Variants in STT3B observed in about 807,000 individuals in gnomAD.
The protein encoded by STT3B is dolichyl-diphosphooligosaccharide--protein glycosyltransferase subunit STT3B.
Under a neutral mutation model 96.8 loss-of-function variants are expected in STT3B, and 29 were observed. The observed-to-expected ratio is 0.30, with a 90% CI of 0.22 to 0.41. The LOEUF is 0.41. Among genes scored for constraint, STT3B ranks in the 10% least tolerant of loss-of-function variants. The pLI is 1.00. For missense variants in STT3B, 640 were observed against 1,022.3 expected (o/e 0.63, Z 5.10); for synonymous variants, 367 against 360.0 (o/e 1.02, Z -0.22).
chr3:31,632,200 C>T (rs1699677014), intron 14 of STT3B, among the ~76,000 whole-genome samples: 1 of 152,122 alleles, frequency 6.6e-6, no homozygotes, highest in Admixed American at 6.5e-5. Context: ...TATGTTTTCC[C>T]TTTTTATCCC....
chr3:31,542,912 A>C (rs1697314061), intron 1 of STT3B, among the ~76,000 whole-genome samples: 1 of 151,932 alleles, frequency 6.6e-6, no homozygotes, highest in African/African-American at 2.4e-5. Flanking sequence ...ACTAAACTAC[A>C]AAAATTAGCT....
chr3:31,557,945 G>A (rs556476718), intron 1 of STT3B, among the ~76,000 whole-genome samples: 131 of 152,270 alleles, frequency 8.6e-4, no homozygotes, highest in African/African-American at 2.9e-3. Flanking sequence ...ATTGTAAATG[G>A]GATTGCTTTC....
intron 11 of STT3B, among the ~76,000 whole-genome samples, chr3:31,624,299 C>G (rs902893545): frequency 6.6e-6 from 1 of 152,192 alleles, no homozygotes; most frequent in Non-Finnish European, 1.5e-5. Flanking sequence ...CTTTCTTTGT[C>G]CTCTCCTCCA....
At chr3:31,539,812 T>C (rs1697218328) in intron 1 of STT3B, among the ~76,000 whole-genome samples, 1 of 152,092 alleles carries the variant, frequency 6.6e-6, no homozygotes. Flanking sequence ...ATTGTTCTTA[T>C]TTAGATTTAT....
intron 13 of STT3B, among the ~76,000 whole-genome samples, chr3:31,629,074 C>G (rs1699598297): frequency 6.6e-6 from 1 of 152,142 alleles, no homozygotes; most frequent in Non-Finnish European, 1.5e-5. Context: ...CCACTGCACT[C>G]CAGCCTCGAG....
intron 1 of STT3B, among the ~76,000 whole-genome samples, chr3:31,558,975 G>A (rs1469021081): frequency 1.3e-5 from 2 of 150,718 alleles, no homozygotes; most frequent in African/African-American, 4.9e-5. Flanking sequence ...AGTCTCTGAT[G>A]ATCTTTTGTA....
intron 10 of STT3B, among the ~76,000 whole-genome samples, chr3:31,622,694 T>C (rs1445198721): frequency 1.3e-5 from 2 of 152,222 alleles, no homozygotes; most frequent in Admixed American, 1.3e-4. Flanking sequence ...AGGTCCATAC[T>C]CAGTGCATAC....
intron 1 of STT3B, among the ~76,000 whole-genome samples, chr3:31,535,996 T>G (rs1041959737): frequency 2.0e-5 from 3 of 152,202 alleles, no homozygotes; most frequent in African/African-American, 7.2e-5. Flanking sequence ...TTTGTCAGTA[T>G]GAATCTAATA....
At chr3:31,584,124 C>T (rs1698482683) in intron 3 of STT3B, among the ~76,000 whole-genome samples, 1 of 152,166 alleles carries the variant, frequency 6.6e-6, no homozygotes, top group Non-Finnish European at 1.5e-5. Context: ...ATTCCAACTT[C>T]ATTCTTTTGC....
chr3:31,575,519 A>T (rs543142355), intron 1 of STT3B, among the ~76,000 whole-genome samples: 17 of 152,182 alleles, frequency 1.1e-4, no homozygotes, highest in African/African-American at 4.1e-4. Flanking sequence ...TAAAAATGCT[A>T]CAAAGCTTGC....
intron 1 of STT3B, among the ~76,000 whole-genome samples, chr3:31,546,910 T>A (rs1697427317): frequency 6.6e-6 from 1 of 152,180 alleles, no homozygotes; most frequent in African/African-American, 2.4e-5. Context: ...GGAAAGGCCT[T>A]GAAGTCAGCC....
chr3:31,582,185 T>C (rs1041696396), intron 3 of STT3B, among the ~76,000 whole-genome samples: 1 of 152,140 alleles, frequency 6.6e-6, no homozygotes, highest in Admixed American at 6.5e-5. Flanking sequence ...TTCTCTCTTT[T>C]AGTGTATATG....
At position 31,636,585 on chromosome 3, in the gene STT3B, A is replaced by T. The variant is rs1272568494; in HGVS notation, c.*521A>T. 1 of 152,226 alleles carries T rather than the reference A, an allele frequency of 6.6e-6. No individual in the cohort carries two copies. The highest frequency in any genetic ancestry group is 6.5e-5 in the Admixed American group (1 of 15,274). The allele number at this position is 152,226 out of a possible 1,614,324, so 9.4% of individuals were successfully genotyped here. A position where few individuals can be genotyped will look rare whatever the true frequency, so the allele number is the denominator to read the frequency against. ...TTATATTTATTTTCATGTTTCTCTA[A>T]TGCAAAGAATGTTTCATCAAATGTA... is the stretch of plus-strand genomic sequence containing the variant. On this transcript the variant is annotated 3_prime_UTR_variant, in exon 16 of 16. Coordinates refer to ENST00000295770, the MANE Select transcript of STT3B (RefSeq NM_178862.3).
intron 11 of STT3B, among the ~76,000 whole-genome samples, chr3:31,624,311 C>T (rs1262395394): frequency 6.6e-6 from 1 of 152,202 alleles, no homozygotes; most frequent in African/African-American, 2.4e-5. Flanking sequence ...TCTCCTCCAC[C>T]TTGGTGCCAT....
At chr3:31,600,317 A>G (rs746730403) in intron 4 of STT3B, 43 bp from the exon 5 acceptor site, 2 of 891,280 alleles carry the variant, frequency 2.2e-6, no homozygotes, top group Middle Eastern at 3.5e-4. Context: ...CTTATTTTAA[A>G]AAGTAAAAAT....
chr3:31,587,255 T>A lies in STT3B; in HGVS notation c.711+7159T>A, dbSNP rs534149687. 2.8e-3 allele frequency among the ~76,000 whole-genome samples: 310 copies of A among 109,800 alleles called. 1 individual carries two copies. The highest frequency in any genetic ancestry group is 9.2e-3 in the Admixed American group (92 of 10,038). 72.0% of individuals were successfully genotyped at this position (109,800 alleles called of 152,430 possible). A position where few individuals can be genotyped will look rare whatever the true frequency, so the allele number is the denominator to read the frequency against. On this transcript the variant is annotated intron_variant, in intron 3 of 15. Coordinates refer to ENST00000295770, the MANE Select transcript of STT3B (RefSeq NM_178862.3). The stretch of plus-strand genomic sequence containing the variant: ...TTACCACTATCCAGTTACAGAACAT[T>A]TTAACACTCCAAAAAGCCTCGCCCA...
intron 1 of STT3B, among the ~76,000 whole-genome samples, chr3:31,537,692 A>G (rs530344437): frequency 1.3e-5 from 2 of 152,274 alleles, no homozygotes; most frequent in African/African-American, 4.8e-5. Context: ...AGTAGTTTGC[A>G]TAAAGACAAC....
At chr3:31,588,736 G>T (rs1205713287) in intron 3 of STT3B, among the ~76,000 whole-genome samples, 1 of 151,866 alleles carries the variant, frequency 6.6e-6, no homozygotes, top group Non-Finnish European at 1.5e-5. Context: ...GTATGTGGTT[G>T]TCCAGCTGTT....
At chr3:31,592,067 A>G (rs1345276618) in intron 3 of STT3B, among the ~76,000 whole-genome samples, 2 of 152,072 alleles carry the variant, frequency 1.3e-5, no homozygotes, top group Non-Finnish European at 1.5e-5. Context: ...ATCCATCTCC[A>G]GAGCTCTTTA....
Sources: gnomAD v4.1 joint callset for allele counts (sites outside exome capture counted in the v4.1 genomes callset) on GRCh38, gnomAD v4.1.1 for gene constraint, MANE v1.5 for transcripts, NCBI Gene and HGNC (gene_info 2026-07-23, HGNC 2026-07-21) for gene names.